RORA: variants seen among roughly 807,000 people sequenced by gnomAD.
The protein encoded by RORA is RAR related orphan receptor A.
A neutral mutation model predicts 69.5 loss-of-function variants in RORA; 7 were observed. The observed-to-expected ratio is 0.10, with a 90% CI of 0.06 to 0.19. The LOEUF (loss-of-function observed/expected upper bound fraction) is 0.19, where lower values mean the gene tolerates loss of function less well. RORA is among the 10% of genes least tolerant of loss of function. The pLI is 1.00. For synonymous variants in RORA, 261 were observed against 240.8 expected, an observed-to-expected ratio of 1.08 and a Z score of -0.78; for missense variants, 457 against 663.0, an observed-to-expected ratio of 0.69 and a Z score of 3.41.
At chr15:61,182,338 G>C (rs1164042024) in intron 1 of RORA, among the ~76,000 whole-genome samples, 2 of 152,220 alleles carry the variant, frequency 1.3e-5, no homozygotes, top group Non-Finnish European at 2.9e-5. Context: ...CCACTTCAGT[G>C]TTGTTGCCAT....
intron 1 of RORA, among the ~76,000 whole-genome samples, chr15:60,973,628 C>A (rs1322238438): frequency 6.6e-6 from 1 of 152,228 alleles, no homozygotes; most frequent in Non-Finnish European, 1.5e-5. Context: ...CACATCCCAG[C>A]TGTTAACATT....
chr15:60,745,739 C>G (rs544895318), intron 1 of RORA, among the ~76,000 whole-genome samples: 18 of 152,332 alleles, frequency 1.2e-4, no homozygotes, highest in African/African-American at 4.1e-4. Context: ...TCTGTTAAAA[C>G]AGAACAGGTC....
chr15:60,930,730 C>A (rs1348939994), intron 1 of RORA, among the ~76,000 whole-genome samples: 1 of 152,174 alleles, frequency 6.6e-6, no homozygotes, highest in Non-Finnish European at 1.5e-5. Context: ...TGAGATGGGA[C>A]CCACCTCTGT....
intron 1 of RORA, among the ~76,000 whole-genome samples, chr15:61,087,970 G>A (rs992676632): frequency 4.6e-5 from 7 of 152,232 alleles, no homozygotes; most frequent in Admixed American, 2.6e-4. Flanking sequence ...TACGGCCTAC[G>A]CCAGCTCCTA....
chr15:60,913,793 T>G (rs6494231), intron 1 of RORA, among the ~76,000 whole-genome samples: 1 of 152,032 alleles, frequency 6.6e-6, no homozygotes, highest in Non-Finnish European at 1.5e-5. Flanking sequence ...TAGAGTCTAT[T>G]AAAGGGGGTC....
chr15:60,511,113 G>T lies in RORA; in HGVS notation c.820+113C>A. On this transcript the variant is annotated intron_variant, in intron 5 of 10. Coordinates refer to ENST00000335670, the MANE Select transcript of RORA (RefSeq NM_134261.3). The surrounding 1 kb of genome is among the most constrained non-coding windows in gnomAD (Gnocchi z 6.4). Reference sequence around the variant, plus strand: ...GGGCAGAAAATTAAGTGGCCCAAATGGTAAAGGTGAATTGCATCATTTAGC... The same window carrying T: ...GGGCAGAAAATTAAGTGGCCCAAATTGTAAAGGTGAATTGCATCATTTAGC... 1 of 1,221,202 alleles carries T rather than the reference G, an allele frequency of 8.2e-7. No individual in the cohort carries two copies. The highest frequency in any genetic ancestry group is 1.1e-6 in the Non-Finnish European group (1 of 877,868). 75.6% of individuals were successfully genotyped at this position (1,221,202 alleles called of 1,614,324 possible).
At chr15:60,902,636 G>GGTGAGGTACA (rs1168624576) in intron 1 of RORA, among the ~76,000 whole-genome samples, 1 of 152,206 alleles carries the variant, frequency 6.6e-6, no homozygotes, top group Admixed American at 6.5e-5. Flanking sequence ...AGAGTGGTAA[G>GGTGAGGTACA]GTGAGGTACA....
chr15:60,604,633 G>A (rs1233619804), intron 2 of RORA, among the ~76,000 whole-genome samples: 1 of 152,068 alleles, frequency 6.6e-6, no homozygotes, highest in Admixed American at 6.6e-5. Context: ...ATAGTGCCTG[G>A]CATACATAGA....
chr15:61,020,200 T>A (rs1240559444), intron 1 of RORA, among the ~76,000 whole-genome samples: 4 of 152,204 alleles, frequency 2.6e-5, no homozygotes, highest in Non-Finnish European at 5.9e-5. Flanking sequence ...TGTTCCCTTC[T>A]CTTTAGGACT....
intron 1 of RORA, among the ~76,000 whole-genome samples, chr15:61,094,189 G>C (rs1235196160): frequency 6.6e-6 from 1 of 152,120 alleles, no homozygotes; most frequent in Non-Finnish European, 1.5e-5. Flanking sequence ...CTTTATGTGA[G>C]TGAACAAAAA....
intron 1 of RORA, among the ~76,000 whole-genome samples, chr15:60,896,416 C>T (rs1219764332): frequency 6.6e-6 from 1 of 152,200 alleles, no homozygotes; most frequent in Non-Finnish European, 1.5e-5. Flanking sequence ...CTTTCCATTT[C>T]CTCCATTAGA....
At chr15:60,806,936 C>A (rs759022417) in intron 1 of RORA, among the ~76,000 whole-genome samples, 24 of 152,116 alleles carry the variant, frequency 1.6e-4, no homozygotes, top group Non-Finnish European at 2.6e-4. Flanking sequence ...CCATCTATGA[C>A]AAACCCACAG....
intron 1 of RORA, among the ~76,000 whole-genome samples, chr15:60,912,428 A>C (rs547543782): frequency 6.6e-6 from 1 of 151,452 alleles, no homozygotes; most frequent in East Asian, 1.9e-4. Context: ...CATGCCTCAA[A>C]AAAACAAAAC....
rs182254849 is a variant in RORA, at chr15:60,702,699, T to C, written c.167-24013A>G. ...TACAAGGATTAACTGAAACAATGCA[T>C]GTGCAAGTGGTTGTCACATGGTAGG... On this transcript the variant is annotated intron_variant, in intron 1 of 10. Coordinates refer to ENST00000335670, the MANE Select transcript of RORA (RefSeq NM_134261.3). 5.9e-5 allele frequency among the ~76,000 whole-genome samples: 9 copies of C among 152,348 alleles called. No individual in the cohort carries two copies. In the East Asian group the frequency reaches 1.5e-3, roughly 26 times the overall value.
At chr15:60,830,476 G>A (rs1049295831) in intron 1 of RORA, among the ~76,000 whole-genome samples, 7 of 152,046 alleles carry the variant, frequency 4.6e-5, no homozygotes, top group East Asian at 1.9e-4. Flanking sequence ...ACACTTAATC[G>A]CTGCATAATA....
chr15:60,718,581 C>A (rs1257122007), intron 1 of RORA, among the ~76,000 whole-genome samples: 2 of 152,170 alleles, frequency 1.3e-5, no homozygotes, highest in Admixed American at 1.3e-4. Context: ...ATTTGACTTT[C>A]CTGTCAAAAT....
intron 2 of RORA, among the ~76,000 whole-genome samples, chr15:60,571,040 C>G (rs2067865197): frequency 6.6e-6 from 1 of 151,624 alleles, no homozygotes; most frequent in Non-Finnish European, 1.5e-5. Context: ...CTTTTTTTTT[C>G]TCTCCTCATT....
chr15:61,051,013 G>T (rs905473468), intron 1 of RORA, among the ~76,000 whole-genome samples: 1 of 152,208 alleles, frequency 6.6e-6, no homozygotes, highest in African/African-American at 2.4e-5. Flanking sequence ...CAGAAGTAGT[G>T]GAGAGGGTAG....
chr15:60,884,125 G>A (rs1433202603), intron 1 of RORA, among the ~76,000 whole-genome samples: 3 of 152,052 alleles, frequency 2.0e-5, no homozygotes, highest in Non-Finnish European at 2.9e-5. Flanking sequence ...GATTGCGTCC[G>A]TGGCTGACAA....
Sources: gnomAD v4.1 joint callset for allele counts (sites outside exome capture counted in the v4.1 genomes callset) on GRCh38, gnomAD v4.1.1 for gene constraint, Gnocchi (gnomAD v3.1) non-coding constraint, MANE v1.5 for transcripts, NCBI Gene and HGNC (gene_info 2026-07-23, HGNC 2026-07-21) for gene names.